Variants in NDUFAF1 observed in about 807,000 individuals in gnomAD.
NDUFAF1 encodes complex I intermediate-associated protein 30, mitochondrial.
In NDUFAF1, 18 loss-of-function variants were observed where a neutral mutation model predicts 28.7. The ratio of observed to expected loss-of-function variants is 0.63; its 90% CI spans 0.43 to 0.93. The LOEUF is 0.93. Ranked by LOEUF, NDUFAF1 falls within the 40% of genes least tolerant of loss-of-function variation. NDUFAF1 has a pLI of 0.00. For synonymous variants in NDUFAF1, 113 were observed against 139.7 expected (o/e 0.81, Z 1.35); for missense variants, 404 against 398.3 (o/e 1.01, Z -0.12).
intron 1 of NDUFAF1, 68 bp downstream of exon 1, chr15:41,402,076 G>A (rs2140933853): frequency 2.7e-6 from 1 of 375,622 alleles, no homozygotes; most frequent in Non-Finnish European, 5.6e-6. Context: ...GAGGTTGACG[G>A]TGGGTTTTGA....
At position 41,389,388 on chromosome 15, in the gene NDUFAF1, A is replaced by G. The variant is rs182729618; in HGVS notation, c.760-866T>C. Reference sequence around the variant, plus strand: ...CCACACCCTGCCTAAATAATTATACAGAAGCTCTCCAGGATATATTCCTAA... The same window carrying G: ...CCACACCCTGCCTAAATAATTATACGGAAGCTCTCCAGGATATATTCCTAA... On this transcript the variant is annotated intron_variant, in intron 3 of 4. Transcript: ENST00000260361. Among the ~76,000 whole-genome samples, 26 of 152,014 alleles carry G rather than the reference A, an allele frequency of 1.7e-4. No homozygotes were observed. The East Asian group carries it at 3.9e-3, about 23-fold the overall frequency.
At chr15:41,396,281 C>A (rs2050385237) in intron 2 of NDUFAF1, among the ~76,000 whole-genome samples, 1 of 151,910 alleles carries the variant, frequency 6.6e-6, no homozygotes, top group South Asian at 2.1e-4. Context: ...AACAAGTTAA[C>A]TCCTCCTCCT....
At chr15:41,391,962 TAGGAGGAGAGATGGAAGATGAAGAC>T (rs375231668) in intron 3 of NDUFAF1, among the ~76,000 whole-genome samples, 26 of 150,076 alleles carry the variant, frequency 1.7e-4, no homozygotes, top group East Asian at 7.8e-4. Flanking sequence ...AGGAAGGAGG[TAGGAGGAGAGATGGAAGATGAAGAC>T]AGGAGGAGAG....
At chr15:41,393,259 G>A (rs1035449413) in intron 3 of NDUFAF1, among the ~76,000 whole-genome samples, 1 of 150,526 alleles carries the variant, frequency 6.6e-6, no homozygotes, top group African/African-American at 2.4e-5. Context: ...CTAGTAGCTG[G>A]GATTACAGGC....
chr15:41,391,010 C>G (rs1262846445), intron 3 of NDUFAF1, among the ~76,000 whole-genome samples: 2 of 151,848 alleles, frequency 1.3e-5, no homozygotes, highest in Non-Finnish European at 2.9e-5. Context: ...GCCTGGGCGA[C>G]AGTGCGAGAC....
At chr15:41,396,386 G>C (rs2050386507) in intron 2 of NDUFAF1, 101 bp downstream of exon 2, 1 of 1,144,764 alleles carries the variant, frequency 8.7e-7, no homozygotes, top group African/African-American at 1.5e-5. Context: ...AACATGCCAG[G>C]TGTTTTCATT....
In NDUFAF1 at chr15:41,402,442, C is replaced by T. The variant is rs1207682918; in HGVS notation, c.-380G>A. On this transcript the variant is annotated 5_prime_UTR_variant, in exon 1 of 5. Coordinates refer to ENST00000260361, the MANE Select transcript of NDUFAF1 (RefSeq NM_016013.4). ...CACACCAACCGCCGGCCTGCCGCCG[C>T]TTACCTCCCCGAGCCTATAGTGTAC... is the stretch of plus-strand genomic sequence containing the variant. The T allele has an allele frequency of 4.6e-6, 2 of 431,014 alleles. No individual in the cohort carries two copies. The highest frequency in any genetic ancestry group is 9.4e-6 in the Non-Finnish European group (2 of 212,220). The allele number at this position is 431,014 out of a possible 1,614,324, so 26.7% of individuals were successfully genotyped here. A position where few individuals can be genotyped will look rare whatever the true frequency, so the allele number is the denominator to read the frequency against.
Position 41,394,933 on chromosome 15 carries a change from A to G in NDUFAF1, c.685T>C (p.Phe229Leu), listed in dbSNP as rs753985691. 2 of 1,614,168 alleles carry G rather than the reference A, an allele frequency of 1.2e-6. No individual in the cohort carries two copies. The highest frequency in any genetic ancestry group is 3.3e-5 in the Admixed American group (2 of 60,006). Residue 229 changes from phenylalanine to leucine, a missense_variant, in exon 3 of 5, where the codon TTC becomes CTC. Coordinates refer to ENST00000260361, the MANE Select transcript of NDUFAF1 (RefSeq NM_016013.4). ...WMVNIKEDTD[F>L]FQRTNQMYSY... ...TACATCTGATTCGTCCTCTGGAAGA[A>G]ATCTGTGTCCTCCTTGATATTCACC...
At chr15:41,393,134 T>G (rs2050335175) in intron 3 of NDUFAF1, among the ~76,000 whole-genome samples, 1 of 148,200 alleles carries the variant, frequency 6.7e-6, no homozygotes, top group Admixed American at 6.7e-5. Context: ...TTTTTTTTTT[T>G]TTTTTTTTGA....
At chr15:41,400,533 TC>T (rs1304656464) in intron 1 of NDUFAF1, among the ~76,000 whole-genome samples, 1 of 151,406 alleles carries the variant, frequency 6.6e-6, no homozygotes, top group Non-Finnish European at 1.5e-5. Flanking sequence ...CTTTTTTTTT[TC>T]TTTTTTGAGA....
chr15:41,387,913 C>T (rs1358347669), intron 4 of NDUFAF1, among the ~76,000 whole-genome samples: 1 of 152,118 alleles, frequency 6.6e-6, no homozygotes, highest in Non-Finnish European at 1.5e-5. Context: ...AGTTAAAAAC[C>T]AGCCTGCCCA....
rs911259285 is a variant in NDUFAF1 at position 41,393,291 on chromosome 15, AT to A, written c.759+1567del. ...AGGCACACACCACCATGCCCGGCTA[AT>A]TTTTTTTTTTTTTTTTTTTTTTTTG... On this transcript the variant is annotated intron_variant, in intron 3 of 4. Coordinates refer to ENST00000260361, the MANE Select transcript of NDUFAF1 (RefSeq NM_016013.4). 5.1e-3 allele frequency among the ~76,000 whole-genome samples: 476 copies of A among 93,670 alleles called. 2 individuals carry two copies. Among genetic ancestry groups the A allele is most frequent in the South Asian group, 0.019 (59 of 3,122 alleles). 61.5% of individuals were successfully genotyped at this position (93,670 alleles called of 152,430 possible).
intron 3 of NDUFAF1, among the ~76,000 whole-genome samples, chr15:41,390,502 G>C (rs1455237870): frequency 6.6e-6 from 1 of 152,040 alleles, no homozygotes; most frequent in Non-Finnish European, 1.5e-5. Flanking sequence ...AAGGCAGGCG[G>C]ATCACGAGGT....
At chr15:41,401,354 T>C (rs1280274380) in intron 1 of NDUFAF1, among the ~76,000 whole-genome samples, 2 of 131,106 alleles carry the variant, frequency 1.5e-5, no homozygotes, top group African/African-American at 5.7e-5. Context: ...CACTGCAACC[T>C]CCGCCTCCCG....
rs762867624 is a variant in NDUFAF1 at position 41,402,304 on chromosome 15, C to T, written c.-242G>A. The T allele has an allele frequency of 4.4e-6, 2 of 454,082 alleles. No homozygotes were observed. Among genetic ancestry groups the T allele is most frequent in the South Asian group, 3.1e-5 (2 of 64,478 alleles). The allele number at this position is 454,082 out of a possible 1,614,324, so 28.1% of individuals were successfully genotyped here. ...GAGTGGCAAAATTCTTCCGCCTTGG[C>T]GTATACCTCCCGCACTCACGGCCTG... On this transcript the variant is annotated 5_prime_UTR_variant, in exon 1 of 5. Transcript: ENST00000260361.
intron 3 of NDUFAF1, among the ~76,000 whole-genome samples, chr15:41,391,883 C>A (rs1304238993): frequency 6.6e-6 from 1 of 151,714 alleles, no homozygotes; most frequent in Non-Finnish European, 1.5e-5. Flanking sequence ...TACAGCAGAG[C>A]AACACTAAGT....
At chr15:41,395,520 A>C (rs1240906159) in intron 2 of NDUFAF1, among the ~76,000 whole-genome samples, 1 of 147,272 alleles carries the variant, frequency 6.8e-6, no homozygotes, top group Non-Finnish European at 1.5e-5. Context: ...TAGGCGCCCA[A>C]AACCACACCC....
rs1041100433 is a variant in NDUFAF1, at chr15:41,393,118, TGA to T, written c.759+1739_759+1740del. Among the ~76,000 whole-genome samples the T allele has an allele frequency of 6.7e-5, 10 of 148,732 alleles. No homozygotes were observed. In the East Asian group the frequency reaches 7.9e-4, roughly 12 times the overall value. ...ATGAGCAAAATGGGGACTTTCTTGTTGAGTTTTTTTTTTTTTTTTTTTTTGAG... is the reference window on the plus strand; with the variant it reads ...ATGAGCAAAATGGGGACTTTCTTGTTGTTTTTTTTTTTTTTTTTTTTTGAG... On this transcript the variant is annotated intron_variant, in intron 3 of 4. Transcript: ENST00000260361.
intron 3 of NDUFAF1, among the ~76,000 whole-genome samples, chr15:41,393,225 A>C (rs1021313345): frequency 1.3e-5 from 2 of 150,108 alleles, no homozygotes; most frequent in African/African-American, 4.9e-5. Flanking sequence ...CCCAAGTTCA[A>C]GCAATCCTCC....
Sources: allele counts gnomAD v4.1 joint callset (sites outside exome capture counted in the v4.1 genomes callset), GRCh38; gene constraint gnomAD v4.1.1; transcripts MANE v1.5; gene names NCBI Gene and HGNC (gene_info 2026-07-23, HGNC 2026-07-21).